PTPRG: variants seen among roughly 807,000 people sequenced by gnomAD.
PTPRG encodes the protein receptor-type tyrosine-protein phosphatase gamma.
PTPRG carries 102 observed loss-of-function variants against 165.3 expected under a neutral mutation model. The ratio of observed to expected loss-of-function variants is 0.62; its 90% CI spans 0.53 to 0.73. The LOEUF is 0.73. PTPRG is among the 30% of genes least tolerant of loss of function. The probability of loss-of-function intolerance (pLI) is 0.00; values close to 1 mark genes in which losing one functional copy is unlikely to be tolerated. For missense variants in PTPRG, 1,866 were observed against 1,861.4 expected (o/e 1.00, Z -0.05); for synonymous variants, 675 against 669.5 (o/e 1.01, Z -0.13).
intron 4 of PTPRG, among the ~76,000 whole-genome samples, chr3:62,003,990 T>C (rs971773539): frequency 2.0e-5 from 3 of 152,176 alleles, no homozygotes; most frequent in Non-Finnish European, 4.4e-5. Flanking sequence ...TTGTTAGGAT[T>C]GATGGTGACA....
At chr3:62,054,987 C>T (rs1700587605) in intron 4 of PTPRG, among the ~76,000 whole-genome samples, 1 of 152,168 alleles carries the variant, frequency 6.6e-6, no homozygotes, top group African/African-American at 2.4e-5. Context: ...GGAAATAATT[C>T]ATGTAGCAGG....
At chr3:62,198,477 A>C (rs1426249489) in intron 10 of PTPRG, among the ~76,000 whole-genome samples, 5 of 152,190 alleles carry the variant, frequency 3.3e-5, no homozygotes, top group Non-Finnish European at 5.9e-5. Context: ...GCCTTTTTGC[A>C]GTTCTCAACA....
At chr3:61,694,522 A>G (rs1433860068) in intron 1 of PTPRG, among the ~76,000 whole-genome samples, 1 of 152,228 alleles carries the variant, frequency 6.6e-6, no homozygotes, top group Non-Finnish European at 1.5e-5. Context: ...AAGTAAAAAT[A>G]CGCATACTTT....
chr3:61,818,779 AT>A (rs1349525876), intron 2 of PTPRG, among the ~76,000 whole-genome samples: 22 of 152,262 alleles, frequency 1.4e-4, no homozygotes, highest in South Asian at 4.1e-4. Context: ...GAGAAAAAAA[AT>A]ATTAAAAATC....
intron 1 of PTPRG, among the ~76,000 whole-genome samples, chr3:61,568,183 TA>T (rs1699966121): frequency 6.6e-6 from 1 of 152,202 alleles, no homozygotes; most frequent in Non-Finnish European, 1.5e-5. Flanking sequence ...AAAGGATAAG[TA>T]TATTCCAGAA....
intron 5 of PTPRG, among the ~76,000 whole-genome samples, chr3:62,081,316 A>C (rs942261073): frequency 2.0e-5 from 3 of 152,120 alleles, no homozygotes; most frequent in Non-Finnish European, 2.9e-5. Context: ...TTACATAGAT[A>C]GCAGCTGTAT....
At chr3:61,646,107 TC>T (rs999878824) in intron 1 of PTPRG, among the ~76,000 whole-genome samples, 7 of 152,146 alleles carry the variant, frequency 4.6e-5, no homozygotes, top group African/African-American at 1.7e-4. Context: ...CAGTAGATCA[TC>T]TTTTTTTATT....
At chr3:61,786,185 G>C (rs1345048558) in intron 2 of PTPRG, among the ~76,000 whole-genome samples, 1 of 152,200 alleles carries the variant, frequency 6.6e-6, no homozygotes. Context: ...GGTAGTGTCA[G>C]ATGTGCCTGT....
intron 3 of PTPRG, among the ~76,000 whole-genome samples, chr3:61,998,794 T>C (rs1391555081): frequency 6.6e-6 from 1 of 152,248 alleles, no homozygotes; most frequent in East Asian, 1.9e-4. Flanking sequence ...AGGATAGTTC[T>C]AGAAACTTCA....
chr3:61,802,174 A>G (rs1287091620), intron 2 of PTPRG, among the ~76,000 whole-genome samples: 1 of 152,192 alleles, frequency 6.6e-6, no homozygotes, highest in African/African-American at 2.4e-5. Flanking sequence ...ATTTTTAAAA[A>G]TGGAAATTAT....
Position 62,078,039 on chromosome 3 carries a change from C to T in PTPRG, c.520-124C>T, listed in dbSNP as rs143340876. 1,829 of 518,014 alleles carry T rather than the reference C, an allele frequency of 3.5e-3. 26 individuals carry two copies. The highest frequency in any genetic ancestry group is 0.034 in the African/African-American group (1,611 of 48,044). 32.1% of individuals were successfully genotyped at this position (518,014 alleles called of 1,614,324 possible). A position where few individuals can be genotyped will look rare whatever the true frequency, so the allele number is the denominator to read the frequency against. ...AAAGTTAGCAAAGGAAAAATATGAA[C>T]AGGTGAATAAATTTGGCAAAATCTT... On this transcript the variant is annotated intron_variant, in intron 4 of 29. Transcript: ENST00000474889.
intron 4 of PTPRG, among the ~76,000 whole-genome samples, chr3:62,049,801 G>T (rs1157261112): frequency 6.6e-6 from 1 of 152,178 alleles, no homozygotes; most frequent in Non-Finnish European, 1.5e-5. Flanking sequence ...CATTCTGAAG[G>T]ACACTAAAAC....
chr3:62,255,020 T>A lies in PTPRG; in HGVS notation c.2468-104T>A. ...TTGTGTGATACAATTATTTTGCTCT[T>A]TGCAAAAATCAAGTATTTGTCTTAA... On this transcript the variant is annotated intron_variant, in intron 15 of 29. Coordinates refer to ENST00000474889, the MANE Select transcript of PTPRG (RefSeq NM_002841.4). This position sits in a 1 kb window ranked among gnomAD's most constrained non-coding sequence, Gnocchi z 4.0. 1.1e-6 allele frequency: 1 copy of A among 934,558 alleles called. No individual in the cohort carries two copies. The highest frequency in any genetic ancestry group is 2.6e-5 in the East Asian group (1 of 38,168). 57.9% of individuals were successfully genotyped at this position (934,558 alleles called of 1,614,324 possible).
chr3:62,205,788 C>A (rs1393378026), intron 12 of PTPRG, among the ~76,000 whole-genome samples: 2 of 152,094 alleles, frequency 1.3e-5, no homozygotes, highest in African/African-American at 2.4e-5. Flanking sequence ...TACTCGTTGA[C>A]CACGCTGAGG....
At chr3:61,712,517 G>A (rs2106754420) in intron 1 of PTPRG, among the ~76,000 whole-genome samples, 1 of 152,190 alleles carries the variant, frequency 6.6e-6, no homozygotes, top group African/African-American at 2.4e-5. Flanking sequence ...TTTCCCTCAT[G>A]CTGTTCTCGT....
intron 5 of PTPRG, among the ~76,000 whole-genome samples, chr3:62,101,775 C>A (rs1355018874): frequency 6.6e-6 from 1 of 152,184 alleles, no homozygotes; most frequent in Non-Finnish European, 1.5e-5. Context: ...GGAATGGAAC[C>A]ACATAGAGCA....
chr3:61,901,888 T>C lies in PTPRG; in HGVS notation c.191-87737T>C, dbSNP rs370018088. On this transcript the variant is annotated intron_variant, in intron 2 of 29. Coordinates refer to ENST00000474889, the MANE Select transcript of PTPRG (RefSeq NM_002841.4). ...ACCTTAAAAAAGTAAAAGAAACCTC[T>C]TTAATAAAAAGGATGTTTTAAAATG... Among the ~76,000 whole-genome samples, 20 of 152,358 alleles carry C rather than the reference T, an allele frequency of 1.3e-4. No homozygotes were observed. The East Asian group carries it at 3.7e-3, about 28-fold the overall frequency.
At chr3:62,053,459 G>A (rs1700531154) in intron 4 of PTPRG, among the ~76,000 whole-genome samples, 2 of 151,954 alleles carry the variant, frequency 1.3e-5, no homozygotes, top group Non-Finnish European at 1.5e-5. Flanking sequence ...TAGAGACGGG[G>A]TTTCTCCATG....
intron 2 of PTPRG, among the ~76,000 whole-genome samples, chr3:61,824,127 CA>C (rs34044928): frequency 0.012 from 1,550 of 131,464 alleles, 16 homozygotes; most frequent in Non-Finnish European, 0.016. Context: ...GACTCCGTCT[CA>C]AAAAAAAAAA....
Sources: gnomAD v4.1 joint callset for allele counts (sites outside exome capture counted in the v4.1 genomes callset) on GRCh38, gnomAD v4.1.1 for gene constraint, Gnocchi (gnomAD v3.1) non-coding constraint, MANE v1.5 for transcripts, NCBI Gene and HGNC (gene_info 2026-07-23, HGNC 2026-07-21) for gene names.